OGDH: variants seen among roughly 807,000 people sequenced by gnomAD.
OGDH encodes the protein oxoglutarate dehydrogenase.
A neutral mutation model predicts 116.6 loss-of-function variants in OGDH; 38 were observed. That is an observed-to-expected ratio of 0.33 (90% CI 0.25 to 0.43). The LOEUF (loss-of-function observed/expected upper bound fraction) is 0.43. Ranked by LOEUF, OGDH falls within the 20% of genes least tolerant of loss-of-function variation. The pLI, the probability that OGDH is intolerant of heterozygous loss-of-function variation, is 1.00. For missense variants in OGDH, 825 were observed against 1,357.2 expected (o/e 0.61, Z 6.16); for synonymous variants, 488 against 533.3 (o/e 0.92, Z 1.17).
intron 5 of OGDH, among the ~76,000 whole-genome samples, chr7:44,667,865 C>CT: frequency 6.6e-6 from 1 of 152,260 alleles, no homozygotes; most frequent in Admixed American, 6.5e-5. Flanking sequence ...TATATATCAG[C>CT]TGGGGTCCTG....
At chr7:44,629,888 G>A (rs1236940733) in intron 2 of OGDH, among the ~76,000 whole-genome samples, 2 of 152,170 alleles carry the variant, frequency 1.3e-5, no homozygotes, top group Non-Finnish European at 2.9e-5. Context: ...CCTGATGCCT[G>A]TTTCTTGATG....
intron 5 of OGDH, 80 bp from the exon 6 acceptor site, chr7:44,673,707 G>T (rs919256606): frequency 1.4e-6 from 2 of 1,405,506 alleles, no homozygotes; most frequent in Non-Finnish European, 2.0e-6. Context: ...CCTCCTTCTG[G>T]CTGAATGGGC....
At chr7:44,645,300 G>A (rs1201028606) in intron 2 of OGDH, 27 bp from the exon 3 acceptor site, 6 of 1,605,300 alleles carry the variant, frequency 3.7e-6, no homozygotes, top group African/African-American at 1.3e-5. Flanking sequence ...GAGCAGTGAG[G>A]TAACCCTGTA....
At chr7:44,646,447 G>T (rs1786185350) in intron 3 of OGDH, among the ~76,000 whole-genome samples, 1 of 152,252 alleles carries the variant, frequency 6.6e-6, no homozygotes, top group South Asian at 2.1e-4. Flanking sequence ...GGCAAGTAAG[G>T]CTCTCTCCCT....
chr7:44,614,073 T>C (rs546312465), intron 1 of OGDH, among the ~76,000 whole-genome samples: 78 of 152,292 alleles, frequency 5.1e-4, no homozygotes, highest in Admixed American at 2.7e-3. Context: ...CCCAAAGTGC[T>C]GGGATTACAG....
intron 1 of OGDH, among the ~76,000 whole-genome samples, chr7:44,615,947 T>G (rs2117239937): frequency 1.3e-5 from 2 of 151,856 alleles, no homozygotes; most frequent in Admixed American, 1.3e-4. Context: ...GAGAATCACT[T>G]GAGCCTGGGA....
At chr7:44,705,899 T>C (rs1789050217) in intron 20 of OGDH, among the ~76,000 whole-genome samples, 1 of 152,196 alleles carries the variant, frequency 6.6e-6, no homozygotes, top group African/African-American at 2.4e-5. Context: ...ACGTTGAACT[T>C]AATTCCTTCT....
chr7:44,698,897 G>A (rs1788704705), intron 18 of OGDH, among the ~76,000 whole-genome samples: 1 of 151,478 alleles, frequency 6.6e-6, no homozygotes, highest in South Asian at 2.1e-4. Context: ...TGAAATCCCA[G>A]CACTTTGGGA....
At chr7:44,614,160 C>A (rs1316300463) in intron 1 of OGDH, among the ~76,000 whole-genome samples, 1 of 151,534 alleles carries the variant, frequency 6.6e-6, no homozygotes, top group Non-Finnish European at 1.5e-5. Flanking sequence ...TGCTCTGTTG[C>A]CAAGGCTGGT....
At chr7:44,627,231 G>C (rs1012455661) in intron 2 of OGDH, among the ~76,000 whole-genome samples, 1 of 152,166 alleles carries the variant, frequency 6.6e-6, no homozygotes, top group Admixed American at 6.5e-5. Context: ...TCCTGGCCTC[G>C]TGATCCGCCT....
At position 44,675,133 on chromosome 7, in the gene OGDH, C is replaced by T. The variant is rs774237589; in HGVS notation, c.936-45C>T. The T allele has an allele frequency of 2.8e-5, 42 of 1,517,208 alleles. No individual in the cohort carries two copies. In the South Asian group the frequency reaches 4.6e-4, roughly 17 times the overall value. The allele number at this position is 1,517,208 out of a possible 1,614,324, so 94.0% of individuals were successfully genotyped here. On this transcript the variant is annotated intron_variant, in intron 7 of 22. Coordinates refer to ENST00000222673, the MANE Select transcript of OGDH (RefSeq NM_002541.4). ...AACACCCTCATCTGCCATCTGGAAA[C>T]CATGACCTCAGGCTCTGCTCACCCT...
chr7:44,673,973 CA>C (rs1399042693), intron 6 of OGDH, 32 bp downstream of exon 6: 15 of 1,613,052 alleles, frequency 9.3e-6, no homozygotes, highest in Non-Finnish European at 1.3e-5. Context: ...ATGGGGCAGA[CA>C]TTCCCAGGGA....
At chr7:44,648,407 G>T (rs565249903) in intron 4 of OGDH, among the ~76,000 whole-genome samples, 1 of 152,204 alleles carries the variant, frequency 6.6e-6, no homozygotes, top group Non-Finnish European at 1.5e-5. Flanking sequence ...TCCTCATGAA[G>T]TGAGGTGGGT....
intron 3 of OGDH, 70 bp from the exon 4 acceptor site, chr7:44,647,587 C>T (rs905412318): frequency 2.9e-4 from 433 of 1,477,942 alleles, no homozygotes; most frequent in Middle Eastern, 8.6e-4. Flanking sequence ...TTTTTTTTTA[C>T]CCCTTCCCTC....
rs576047416 is a variant in OGDH, at chr7:44,663,960, G to A, written c.518-2776G>A. Among the ~76,000 whole-genome samples the A allele has an allele frequency of 8.6e-5, 13 of 151,756 alleles. No homozygotes were observed. The East Asian group carries it at 2.1e-3, about 25-fold the overall frequency. On this transcript the variant is annotated intron_variant, in intron 4 of 22. Coordinates refer to ENST00000222673, the MANE Select transcript of OGDH (RefSeq NM_002541.4). ...GTCTCAAAAAAAAAAAAAGAAAAAA[G>A]AAATTGTTTGATGATGACTGTTCAA...
chr7:44,617,806 G>T (rs868029641), intron 1 of OGDH, among the ~76,000 whole-genome samples: 2 of 152,236 alleles, frequency 1.3e-5, no homozygotes, highest in Non-Finnish European at 2.9e-5. Context: ...TGATGTGTGG[G>T]TTTTTTTCCC....
At chr7:44,665,801 A>G (rs868068250) in intron 4 of OGDH, among the ~76,000 whole-genome samples, 11 of 152,192 alleles carry the variant, frequency 7.2e-5, no homozygotes, top group Non-Finnish European at 2.9e-5. Context: ...TAGCTGATAT[A>G]TTATGTCAGG....
intron 10 of OGDH, among the ~76,000 whole-genome samples, chr7:44,686,046 C>CTTTTTTTTTTTTTTTTTTT (rs947000633): frequency 4.8e-5 from 7 of 144,826 alleles, no homozygotes; most frequent in East Asian, 2.0e-4. Context: ...TTCTTTCTTT[C>CTTTTTTTTTTTTTTTTTTT]TTTTTTTTTT....
chr7:44,611,332 G>T (rs571492446), intron 1 of OGDH, among the ~76,000 whole-genome samples: 1 of 151,986 alleles, frequency 6.6e-6, no homozygotes, highest in Non-Finnish European at 1.5e-5. Flanking sequence ...GCAGTGGCAC[G>T]ATCTCAGCTC....
Sources: gnomAD v4.1 joint callset for allele counts (sites outside exome capture counted in the v4.1 genomes callset) on GRCh38, gnomAD v4.1.1 for gene constraint, MANE v1.5 for transcripts, NCBI Gene and HGNC (gene_info 2026-07-23, HGNC 2026-07-21) for gene names.